RBFOX1: variants seen among roughly 807,000 people sequenced by gnomAD.
RBFOX1 encodes RNA binding fox-1 homolog 1.
In RBFOX1, 8 loss-of-function variants were observed where a neutral mutation model predicts 57.7. That is an observed-to-expected ratio of 0.14 (90% CI 0.08 to 0.25). The LOEUF is 0.25. Ranked by LOEUF, RBFOX1 falls within the 10% of genes least tolerant of loss-of-function variation. The pLI is 1.00. For synonymous variants in RBFOX1, 326 were observed against 222.4 expected (o/e 1.47, Z -4.15); for missense variants, 611 against 548.5 (o/e 1.11, Z -1.14).
intron 3 of RBFOX1, among the ~76,000 whole-genome samples, chr16:6,910,955 C>G (rs1205648175): frequency 1.3e-5 from 2 of 152,086 alleles, no homozygotes; most frequent in South Asian, 2.1e-4. Context: ...AATCCCAGCA[C>G]TTTGGGAGGC....
rs1459898247 is a variant in RBFOX1, at chr16:7,016,399, G to GC, written c.-15-35658_-15-35657insC. ...GAAGCCTTTCGGATACTGAAAACAA[G>GC]GCACTGAACTTAAATTCTGCAGACT... On this transcript the variant is annotated intron_variant, in intron 3 of 15. Transcript: ENST00000550418. Among the ~76,000 whole-genome samples the GC allele has an allele frequency of 3.3e-5, 5 of 152,150 alleles. No individual in the cohort carries two copies. The East Asian group carries it at 9.7e-4, about 29-fold the overall frequency.
At chr16:5,467,174 T>TTCTC (rs34212245) in intron 1 of RBFOX1, 42,457 of 1,257,812 alleles carry the variant, frequency 0.034, 264 homozygotes, top group Middle Eastern at 0.091. Flanking sequence ...TCAATGTTTC[T>TTCTC]TCTCTCTCTC....
intron 4 of RBFOX1, among the ~76,000 whole-genome samples, chr16:7,516,268 A>T (rs1409882180): frequency 6.6e-6 from 1 of 152,136 alleles, no homozygotes; most frequent in Non-Finnish European, 1.5e-5. Context: ...CAGTGGTGTG[A>T]CTAGGGCTTA....
chr16:6,285,163 T>C (rs2152707543), intron 1 of RBFOX1, among the ~76,000 whole-genome samples: 1 of 152,232 alleles, frequency 6.6e-6, no homozygotes, highest in East Asian at 1.9e-4. Flanking sequence ...ATCTGCTCAG[T>C]GGCCCTGGAT....
chr16:7,317,901 G>C (rs974510331), intron 4 of RBFOX1, among the ~76,000 whole-genome samples: 1 of 150,960 alleles, frequency 6.6e-6, no homozygotes, highest in African/African-American at 2.4e-5. Flanking sequence ...TACTACCCCA[G>C]TACAGTACCC....
At chr16:7,699,940 G>A (rs1045919845) in intron 14 of RBFOX1, among the ~76,000 whole-genome samples, 1 of 152,196 alleles carries the variant, frequency 6.6e-6, no homozygotes, top group East Asian at 1.9e-4. Context: ...TGTTGTGACA[G>A]ATAATCTGGA....
At position 5,937,672 on chromosome 16, in the gene RBFOX1, A is replaced by T. The variant is rs186302395; in HGVS notation, c.351+70337A>T. On this transcript the variant is annotated intron_variant, in intron 4 of 19. Coordinates refer to the RBFOX1 transcript ENST00000641259. ...ATAGCTACATATAGAACTTTATAAT[A>T]TATAGTTATATGGTTACATATTTAT... 4.4e-3 allele frequency among the ~76,000 whole-genome samples: 655 copies of T among 149,878 alleles called. 8 individuals are homozygous for T. Among genetic ancestry groups the T allele is most frequent in the African/African-American group, 0.015 (599 of 41,076 alleles).
intron 3 of RBFOX1, among the ~76,000 whole-genome samples, chr16:5,765,426 T>C (rs1169515776): frequency 6.6e-6 from 1 of 152,200 alleles, no homozygotes; most frequent in Non-Finnish European, 1.5e-5. Flanking sequence ...CAGCAAATGA[T>C]AATTAATTCA....
intron 2 of RBFOX1, among the ~76,000 whole-genome samples, chr16:6,530,113 C>T (rs951922782): frequency 6.6e-6 from 1 of 152,116 alleles, no homozygotes; most frequent in Non-Finnish European, 1.5e-5. Context: ...GAAAAGGAGA[C>T]AGTGTGTGGT....
intron 6 of RBFOX1, among the ~76,000 whole-genome samples, chr16:7,581,837 A>G (rs544937051): frequency 1.2e-4 from 18 of 152,068 alleles, no homozygotes; most frequent in Non-Finnish European, 2.4e-4. Context: ...CAGCCTCCCA[A>G]GTAGCTGGGA....
intron 2 of RBFOX1, among the ~76,000 whole-genome samples, chr16:6,442,657 G>T (rs919775707): frequency 5.3e-5 from 8 of 152,102 alleles, no homozygotes; most frequent in African/African-American, 1.9e-4. Context: ...GTATGCAGAA[G>T]TCGCCAGAAA....
intron 4 of RBFOX1, among the ~76,000 whole-genome samples, chr16:7,479,711 C>A (rs2063491726): frequency 6.6e-6 from 1 of 152,112 alleles, no homozygotes; most frequent in African/African-American, 2.4e-5. Context: ...AGTGGGGCAC[C>A]TGGAGGGGGG....
At chr16:6,699,591 G>C (rs977407208) in intron 3 of RBFOX1, among the ~76,000 whole-genome samples, 1 of 152,126 alleles carries the variant, frequency 6.6e-6, no homozygotes, top group Non-Finnish European at 1.5e-5. Flanking sequence ...CAGACAAATG[G>C]GCTCTTTAAA....
In RBFOX1 at chr16:7,667,719, C is replaced by T. The variant is rs376614590; in HGVS notation, c.930+2751C>T. Reference sequence around the variant, plus strand: ...ATTTTTTGAGACAGACTCACTGTGTCGCCCAGGCTGGAGTGCGGTGCAATG... The same window carrying T: ...ATTTTTTGAGACAGACTCACTGTGTTGCCCAGGCTGGAGTGCGGTGCAATG... On this transcript the variant is annotated intron_variant, in intron 13 of 15. Transcript: ENST00000550418. 6.6e-5 allele frequency among the ~76,000 whole-genome samples: 10 copies of T among 152,118 alleles called. 1 individual carries two copies. The highest frequency in any genetic ancestry group is 2.0e-4 in the Admixed American group (3 of 15,264).
At chr16:6,294,941 C>A in intron 1 of RBFOX1, among the ~76,000 whole-genome samples, 1 of 151,990 alleles carries the variant, frequency 6.6e-6, no homozygotes, top group East Asian at 1.9e-4. Flanking sequence ...TTCCCTAACC[C>A]CAATTTGCTG....
chr16:5,312,847 A>G (rs1238081370), intron 1 of RBFOX1, among the ~76,000 whole-genome samples: 2 of 152,246 alleles, frequency 1.3e-5, no homozygotes, highest in East Asian at 1.9e-4. Flanking sequence ...GTCTTCAGAT[A>G]TGAGCCCAGA....
At chr16:6,887,017 G>T (rs2064211719) in intron 3 of RBFOX1, among the ~76,000 whole-genome samples, 1 of 152,112 alleles carries the variant, frequency 6.6e-6, no homozygotes, top group African/African-American at 2.4e-5. Flanking sequence ...TTTCTGGTTT[G>T]ATTATCTTCC....
chr16:6,332,283 G>T (rs1267640448), intron 2 of RBFOX1, among the ~76,000 whole-genome samples: 1 of 152,176 alleles, frequency 6.6e-6, no homozygotes, highest in Admixed American at 6.5e-5. Flanking sequence ...AGCATTTACT[G>T]AGTGTTTATT....
At chr16:7,283,489 C>T (rs559073058) in intron 4 of RBFOX1, among the ~76,000 whole-genome samples, 29 of 152,094 alleles carry the variant, frequency 1.9e-4, no homozygotes, top group Admixed American at 1.5e-3. Context: ...CTAAGAAAAT[C>T]GTATGGGTGG....
Sources: gnomAD v4.1 joint callset for allele counts (sites outside exome capture counted in the v4.1 genomes callset) on GRCh38, gnomAD v4.1.1 for gene constraint, MANE v1.5 for transcripts, NCBI Gene and HGNC (gene_info 2026-07-23, HGNC 2026-07-21) for gene names.